The following FMN1 variants were observed in gnomAD, a reference collection of about 807,000 sequenced individuals.
The protein encoded by FMN1 is formin 1.
A neutral mutation model predicts 132.4 loss-of-function variants in FMN1; 110 were observed. The ratio of observed to expected loss-of-function variants is 0.83; its 90% confidence interval spans 0.71 to 0.97. FMN1 has a LOEUF of 0.97. FMN1 is among the 50% of genes least tolerant of loss of function. The pLI is 0.00. For synonymous variants in FMN1, 722 were observed against 651.7 expected, an observed-to-expected ratio of 1.11 and a Z score of -1.64; for missense variants, 1,792 against 1,705.3, an observed-to-expected ratio of 1.05 and a Z score of -0.90.
At chr15:33,046,920 TA>T (rs1202842718) in intron 6 of FMN1, among the ~76,000 whole-genome samples, 3 of 152,200 alleles carry the variant, frequency 2.0e-5, no homozygotes, top group African/African-American at 7.2e-5. Flanking sequence ...TACCGTAGGA[TA>T]AAACATGGGC....
intron 9 of FMN1, among the ~76,000 whole-genome samples, chr15:32,952,491 C>G (rs1031812928): frequency 6.6e-6 from 1 of 152,206 alleles, no homozygotes; most frequent in Non-Finnish European, 1.5e-5. Flanking sequence ...AGGAAGGAAG[C>G]AAACCACACC....
chr15:32,881,802 T>C (rs2059777552), intron 16 of FMN1, among the ~76,000 whole-genome samples: 1 of 152,190 alleles, frequency 6.6e-6, no homozygotes, highest in South Asian at 2.1e-4. Context: ...CTTATGTGAC[T>C]TGACAAGTTC....
At chr15:33,006,510 C>G (rs2034424999) in intron 7 of FMN1, among the ~76,000 whole-genome samples, 1 of 152,032 alleles carries the variant, frequency 6.6e-6, no homozygotes, top group Non-Finnish European at 1.5e-5. Context: ...CTAGAATTAC[C>G]ATATGACCTA....
intron 17 of FMN1, among the ~76,000 whole-genome samples, chr15:32,840,196 G>A (rs1350658277): frequency 1.3e-5 from 2 of 152,156 alleles, no homozygotes; most frequent in Non-Finnish European, 2.9e-5. Context: ...TGTTGTTTTA[G>A]CCCTTAGTGA....
rs961746225 is a variant in FMN1, at chr15:32,769,832, G to A, written c.*4478C>T. On this transcript the variant is annotated 3_prime_UTR_variant, in exon 21 of 21. Coordinates refer to ENST00000616417, the MANE Select transcript of FMN1 (RefSeq NM_001277313.2). ...TTCTCTCCACTCTCTTCAGTTGTAG[G>A]GTCCCTAAAGGTAAAATAACTAATA... The A allele has an allele frequency of 4.6e-5, 7 of 152,096 alleles. No homozygotes were observed. The highest frequency in any genetic ancestry group is 1.4e-4 in the African/African-American group (6 of 41,400). The allele number at this position is 152,096 out of a possible 1,614,324, so 9.4% of individuals were successfully genotyped here. A position where few individuals can be genotyped will look rare whatever the true frequency, so the allele number is the denominator to read the frequency against.
chr15:32,805,888 A>C (rs1162143406), intron 17 of FMN1, among the ~76,000 whole-genome samples: 5 of 152,226 alleles, frequency 3.3e-5, no homozygotes, highest in Non-Finnish European at 4.4e-5. Flanking sequence ...AAGGTTACTA[A>C]GAAAATCAGT....
chr15:33,085,775 C>T (rs1343571231), intron 5 of FMN1, among the ~76,000 whole-genome samples: 3 of 152,040 alleles, frequency 2.0e-5, no homozygotes, highest in Admixed American at 1.3e-4. Context: ...TATTTGTAGT[C>T]ACGCTATTTT....
At position 33,059,534 on chromosome 15, in the gene FMN1, T is replaced by A. The variant is rs192051363; in HGVS notation, c.2161+5423A>T. ...CAAAAAATGCTTCTGATCCCATGTATTTTCCTTGTTGGATCTTTAGATACT... is the reference window on the plus strand; with the variant it reads ...CAAAAAATGCTTCTGATCCCATGTAATTTCCTTGTTGGATCTTTAGATACT... On this transcript the variant is annotated intron_variant, in intron 6 of 20. Transcript: ENST00000616417. Among the ~76,000 whole-genome samples the A allele has an allele frequency of 3.4e-4, 52 of 152,312 alleles. No homozygotes were observed. In the East Asian group the frequency reaches 8.3e-3, roughly 24 times the overall value.
At chr15:32,784,104 A>T (rs2056769058) in intron 19 of FMN1, among the ~76,000 whole-genome samples, 1 of 152,204 alleles carries the variant, frequency 6.6e-6, no homozygotes, top group Admixed American at 6.5e-5. Flanking sequence ...ATCAAGAGAT[A>T]AATGAGATAT....
intron 17 of FMN1, among the ~76,000 whole-genome samples, chr15:32,818,697 C>T (rs1030142080): frequency 6.6e-6 from 1 of 151,834 alleles, no homozygotes; most frequent in Non-Finnish European, 1.5e-5. Flanking sequence ...AAGAAAATAC[C>T]CTTAATGCAA....
chr15:33,012,053 A>G (rs1178814126), intron 6 of FMN1: 3 of 319,528 alleles, frequency 9.4e-6, no homozygotes, highest in African/African-American at 6.4e-5. Flanking sequence ...TAACAAAACT[A>G]TGAAGAAAAG....
At chr15:32,968,394 A>G (rs1005476029) in intron 8 of FMN1, among the ~76,000 whole-genome samples, 1 of 152,222 alleles carries the variant, frequency 6.6e-6, no homozygotes, top group Non-Finnish European at 1.5e-5. Context: ...TATGATTACT[A>G]ATCAATTGTA....
At chr15:33,125,123 T>C (rs926180574) in intron 4 of FMN1, among the ~76,000 whole-genome samples, 4 of 152,150 alleles carry the variant, frequency 2.6e-5, no homozygotes, top group Non-Finnish European at 5.9e-5. Flanking sequence ...ACATTACATC[T>C]AGGGAGGCCA....
At chr15:32,775,977 A>G (rs1217728310) in intron 20 of FMN1, among the ~76,000 whole-genome samples, 1 of 152,204 alleles carries the variant, frequency 6.6e-6, no homozygotes, top group Non-Finnish European at 1.5e-5. Context: ...CAACCAAAGC[A>G]GCTGAAATTC....
intron 4 of FMN1, among the ~76,000 whole-genome samples, chr15:33,118,009 A>T (rs2039992981): frequency 6.6e-6 from 1 of 152,220 alleles, no homozygotes; most frequent in Non-Finnish European, 1.5e-5. Context: ...TTTGCATCAA[A>T]ATAATGATAT....
chr15:32,819,276 C>T (rs1163555928), intron 17 of FMN1, among the ~76,000 whole-genome samples: 1 of 152,274 alleles, frequency 6.6e-6, no homozygotes, highest in East Asian at 1.9e-4. Flanking sequence ...TTTCTCTCTC[C>T]TTTTAAAAAG....
At chr15:33,099,479 G>C (rs1379501453) in intron 4 of FMN1, among the ~76,000 whole-genome samples, 1 of 151,970 alleles carries the variant, frequency 6.6e-6, no homozygotes, top group Non-Finnish European at 1.5e-5. Context: ...GCAGCAATGT[G>C]ATGTGCCAGT....
chr15:32,901,424 AATG>A (rs1208663933), intron 13 of FMN1, among the ~76,000 whole-genome samples: 1 of 152,212 alleles, frequency 6.6e-6, no homozygotes, highest in Non-Finnish European at 1.5e-5. Flanking sequence ...TTAACCTTAT[AATG>A]AACACCAGTG....
intron 4 of FMN1, among the ~76,000 whole-genome samples, chr15:33,132,761 G>A (rs909597086): frequency 6.6e-5 from 10 of 152,074 alleles, no homozygotes; most frequent in Non-Finnish European, 1.5e-4. Context: ...ATTTCAGACA[G>A]CACAGCCACT....
Sources: gnomAD v4.1 joint callset for allele counts (sites outside exome capture counted in the v4.1 genomes callset) on GRCh38, gnomAD v4.1.1 for gene constraint, MANE v1.5 for transcripts, NCBI Gene and HGNC (gene_info 2026-07-23, HGNC 2026-07-21) for gene names.